The following XPO4 variants were observed in gnomAD, a reference collection of about 807,000 sequenced individuals.
XPO4 encodes the protein exportin 4.
In XPO4, 39 loss-of-function variants were observed where a neutral mutation model predicts 143.0. The ratio of observed to expected loss-of-function variants is 0.27; its 90% CI spans 0.21 to 0.36. The LOEUF (loss-of-function observed/expected upper bound fraction) is 0.36, where lower values mean the gene tolerates loss of function less well. XPO4 is among the 10% of genes least tolerant of loss of function. XPO4 has a pLI of 1.00. For missense variants in XPO4, 907 were observed against 1,348.0 expected (o/e 0.67, Z 5.12); for synonymous variants, 439 against 474.0 (o/e 0.93, Z 0.96).
chr13:20,870,797 T>C (rs1401060681), intron 1 of XPO4, among the ~76,000 whole-genome samples: 3 of 152,060 alleles, frequency 2.0e-5, no homozygotes, highest in African/African-American at 7.2e-5. Context: ...TTTCAAATTA[T>C]TTTGTTTGCT....
At chr13:20,802,736 T>G (rs1365168198) in intron 13 of XPO4, among the ~76,000 whole-genome samples, 1 of 152,192 alleles carries the variant, frequency 6.6e-6, no homozygotes, top group Non-Finnish European at 1.5e-5. Context: ...GTTCCAGTAT[T>G]TTGTTCATCA....
chr13:20,815,025 A>C (rs1443777568), intron 9 of XPO4, among the ~76,000 whole-genome samples: 2 of 152,198 alleles, frequency 1.3e-5, no homozygotes, highest in African/African-American at 4.8e-5. Context: ...AATATATGAA[A>C]TCTGTCCCCT....
chr13:20,856,407 A>G (rs758522163), intron 3 of XPO4: 52 of 972,604 alleles, frequency 5.3e-5, no homozygotes, highest in Non-Finnish European at 6.2e-5. Context: ...GAGGCATTTT[A>G]CCAAGCCCAT....
intron 1 of XPO4, among the ~76,000 whole-genome samples, chr13:20,891,849 C>G (rs1214833827): frequency 1.4e-5 from 2 of 139,530 alleles, no homozygotes; most frequent in Non-Finnish European, 3.1e-5. Flanking sequence ...GGTGACAGAG[C>G]AAGACTCCAT....
At position 20,792,723 on chromosome 13, in the gene XPO4, CAAAAAA is replaced by C. The variant is rs748612077; in HGVS notation, c.2798-2149_2798-2144del. Among the ~76,000 whole-genome samples, 635 of 98,076 alleles carry C rather than the reference CAAAAAA, an allele frequency of 6.5e-3. 4 individuals are homozygous for C. Among genetic ancestry groups the C allele is most frequent in the Admixed American group, 8.9e-3 (75 of 8,462 alleles). The allele number at this position is 98,076 out of a possible 152,430, so 64.3% of individuals were successfully genotyped here. ...GCAACAAAAGTAAAACTCTGTCTCA[CAAAAAA>C]AAAAAAAAAAAAAAGTCAGATGCCA... is the stretch of plus-strand genomic sequence containing the variant. On this transcript the variant is annotated intron_variant, in intron 18 of 22. Transcript: ENST00000255305.
chr13:20,805,786 G>A (rs1368509045), intron 13 of XPO4, among the ~76,000 whole-genome samples: 4 of 152,276 alleles, frequency 2.6e-5, no homozygotes, highest in Middle Eastern at 3.4e-3. Flanking sequence ...TCCCTGTTAC[G>A]TTGTCAGCAG....
At chr13:20,849,780 C>T (rs902239538) in intron 4 of XPO4, 3 of 985,276 alleles carry the variant, frequency 3.0e-6, no homozygotes, top group Non-Finnish European at 3.6e-6. Flanking sequence ...TAAAGAAAGC[C>T]TAATGTGTTG....
intron 1 of XPO4, among the ~76,000 whole-genome samples, chr13:20,885,423 T>G (rs1331262861): frequency 3.9e-5 from 6 of 151,976 alleles, no homozygotes; most frequent in Admixed American, 2.0e-4. Context: ...AACAAAAGAT[T>G]ATCAAACCCT....
Position 20,822,112 on chromosome 13 carries a change from C to A in XPO4, c.998+20G>T. The A allele has an allele frequency of 1.3e-6, 2 of 1,578,040 alleles. No individual in the cohort carries two copies. The highest frequency in any genetic ancestry group is 1.7e-6 in the Non-Finnish European group (2 of 1,163,902). On this transcript the variant is annotated intron_variant, in intron 8 of 22. Transcript: ENST00000255305. ...AAACGTAGAGCTCCTTTTTCAGCTG[C>A]AAAGGGCAAGTATACCTACCCATTG...
chr13:20,791,868 C>T (rs7318451), intron 18 of XPO4, among the ~76,000 whole-genome samples: 126,996 of 152,206 alleles, frequency 0.83, 53,192 homozygotes, highest in East Asian at 1. Context: ...TTAAGCCTAA[C>T]GCTGAACTTC....
Position 20,783,815 on chromosome 13 carries a change from A to G in XPO4, c.3363T>C (p.Thr1121=). The change falls in exon 23 of 23, where the codon ACT becomes ACC. Residue 1121 remains threonine (T), a synonymous_variant. Transcript: ENST00000255305. ...DAFNKLTASS[T]PPTLDRKQKM... ...TCTGCTTCCGATCCAGCGTAGGAGG[A>G]GTGCTGCTTGCAGTGAGCTTGTTGA... 1 of 1,614,254 alleles carries G rather than the reference A, an allele frequency of 6.2e-7. No individual in the cohort carries two copies. Among genetic ancestry groups the G allele is most frequent in the African/African-American group, 1.3e-5 (1 of 75,074 alleles).
intron 3 of XPO4, chr13:20,857,689 T>C (rs2060158011): frequency 3.2e-6 from 1 of 309,954 alleles, no homozygotes; most frequent in Non-Finnish European, 4.7e-6. Context: ...ACTGCGCCAC[T>C]GCACTCCAGC....
chr13:20,804,211 A>ATT (rs1810612375), intron 13 of XPO4, among the ~76,000 whole-genome samples: 1 of 150,706 alleles, frequency 6.6e-6, no homozygotes, highest in Admixed American at 6.6e-5. Context: ...ATATACACAC[A>ATT]TTATATATAT....
chr13:20,808,298 G>A (rs2059533562), intron 12 of XPO4, 138 bp downstream of exon 12: 1 of 888,138 alleles, frequency 1.1e-6, no homozygotes, highest in Admixed American at 3.2e-5. Flanking sequence ...TGCATCCATA[G>A]TTCTATGACA....
Position 20,862,782 on chromosome 13 carries a change from G to A in XPO4, c.252C>T (p.Leu84=). 6.2e-7 allele frequency: 1 copy of A among 1,614,174 alleles called. No individual in the cohort carries two copies. The highest frequency in any genetic ancestry group is 8.5e-7 in the Non-Finnish European group (1 of 1,180,016). The change falls in exon 3 of 23, where the codon CTC becomes CTT. Residue 84 remains leucine, a synonymous_variant. Transcript: ENST00000255305. ...IMEAVVREWI[L]LEKGSIESLR... Reference sequence around the variant, plus strand: ...GAGACTCGATGCTACCTTTTTCCAAGAGAATCCACTCTCGGACAACTGCTT... The same window carrying A: ...GAGACTCGATGCTACCTTTTTCCAAAAGAATCCACTCTCGGACAACTGCTT...
At chr13:20,874,409 G>A (rs945998993) in intron 1 of XPO4, among the ~76,000 whole-genome samples, 13 of 152,082 alleles carry the variant, frequency 8.5e-5, no homozygotes, top group Admixed American at 3.3e-4. Flanking sequence ...AAATCTGTTC[G>A]CCAAAACCCA....
intron 6 of XPO4, among the ~76,000 whole-genome samples, chr13:20,836,696 T>C (rs1041065867): frequency 6.6e-6 from 1 of 152,202 alleles, no homozygotes; most frequent in Non-Finnish European, 1.5e-5. Context: ...CACTACGCAA[T>C]TTACCCACTG....
chr13:20,840,852 C>A (rs2059966891), intron 6 of XPO4, among the ~76,000 whole-genome samples: 1 of 152,124 alleles, frequency 6.6e-6, no homozygotes, highest in African/African-American at 2.4e-5. Context: ...CACTCATAAG[C>A]CATGAAGCAA....
intron 11 of XPO4, 78 bp from the exon 12 acceptor site, chr13:20,808,659 G>T: frequency 8.0e-7 from 1 of 1,249,110 alleles, no homozygotes; most frequent in Non-Finnish European, 1.1e-6. Flanking sequence ...CCATATATTA[G>T]ACAACATGAA....
Sources: allele counts gnomAD v4.1 joint callset (sites outside exome capture counted in the v4.1 genomes callset), GRCh38; gene constraint gnomAD v4.1.1; transcripts MANE v1.5; gene names NCBI Gene and HGNC (gene_info 2026-07-23, HGNC 2026-07-21).